LZTR1: variants seen among roughly 807,000 people sequenced by gnomAD.
LZTR1 encodes leucine zipper like post translational regulator 1, also known as leucine-zipper-like transcriptional regulator 1.
A neutral mutation model predicts 105.7 loss-of-function variants in LZTR1; 260 were observed. The ratio of observed to expected loss-of-function variants is 2.46; its 90% confidence interval spans 2.22 to 2.72. LZTR1 has a LOEUF of 2.72. Ranked by LOEUF, LZTR1 falls within the 30% of genes most tolerant of loss-of-function variation. The probability of loss-of-function intolerance (pLI) is 0.00; values close to 1 mark genes in which losing one functional copy is unlikely to be tolerated. For synonymous variants in LZTR1, 490 were observed against 476.4 expected, an observed-to-expected ratio of 1.03 and a Z score of -0.37; for missense variants, 1,214 against 1,166.9, an observed-to-expected ratio of 1.04 and a Z score of -0.59.
At position 20,996,961 on chromosome 22, in the gene LZTR1, A is replaced by C. The variant is rs1215965010; in HGVS notation, c.2401A>C (p.Thr801Pro). 11 of 1,613,612 alleles carry C rather than the reference A, an allele frequency of 6.8e-6. No individual in the cohort carries two copies. The highest frequency in any genetic ancestry group is 9.3e-6 in the Non-Finnish European group (11 of 1,179,986). Reference sequence around the variant, plus strand: ...CCTGCACATCATTGTGCACCAGTTCACCAAGGTCAGGGCTCTGGCCTCCCC... The same window carrying C: ...CCTGCACATCATTGTGCACCAGTTCCCCAAGGTCAGGGCTCTGGCCTCCCC... ...HCLHIIVHQF[T>P]KVSKLPTLRS... is the part of the protein sequence containing the mutation. The change falls in exon 20 of 21, where the codon ACC (threonine) becomes CCC (proline). Residue 801 changes from threonine (T) to proline (P), a missense_variant. By Grantham distance (38) the Thr-to-Pro change is conservative. Transcript: ENST00000646124.
intron 3 of LZTR1, chr22:20,986,418 A>ATAGATAG (rs1555927394): frequency 6.0e-5 from 9 of 150,908 alleles, no homozygotes; most frequent in East Asian, 3.9e-4. Context: ...AGATAGATAG[A>ATAGATAG]AAGAAAGATA....
Position 20,996,879 on chromosome 22 carries a change from A to G in LZTR1, c.2326-7A>G, listed in dbSNP as rs1327238723. On this transcript the variant is annotated splice_region_variant and splice_polypyrimidine_tract_variant and intron_variant, in intron 19 of 20. Transcript: ENST00000646124. Reference sequence around the variant, plus strand: ...GGGGCAGCGCCTCAAGGTCCCTGCCATTGCAGATCCTGGAGGCAGCTGACA... The same window carrying G: ...GGGGCAGCGCCTCAAGGTCCCTGCCGTTGCAGATCCTGGAGGCAGCTGACA... 3 of 1,612,134 alleles carry G rather than the reference A, an allele frequency of 1.9e-6. No individual in the cohort carries two copies. Among genetic ancestry groups the G allele is most frequent in the Non-Finnish European group, 2.5e-6 (3 of 1,178,736 alleles).
rs1427993247 is a variant in LZTR1 at position 20,997,921 on chromosome 22, G to GA, written c.*573_*574insA. ...TCTCACCTGACTTGAGGTGAATTTT[G>GA]GAGTGAAGGGCCCTGAGGTCAGCTC... On this transcript the variant is annotated 3_prime_UTR_variant, in exon 21 of 21. Coordinates refer to ENST00000646124, the MANE Select transcript of LZTR1 (RefSeq NM_006767.4). The GA allele has an allele frequency of 2.6e-5, 4 of 152,596 alleles. No individual in the cohort carries two copies. The highest frequency in any genetic ancestry group is 9.7e-5 in the African/African-American group (4 of 41,444). 9.5% of individuals were successfully genotyped at this position (152,596 alleles called of 1,614,324 possible).
At position 20,996,725 on chromosome 22, in the gene LZTR1, GC is replaced by G; in HGVS notation, c.2250del (p.Phe751SerfsTer16). On this transcript the variant is annotated frameshift_variant, in exon 19 of 21. Coordinates refer to ENST00000646124, the MANE Select transcript of LZTR1 (RefSeq NM_006767.4). LOFTEE classifies it high-confidence loss of function. ...LYLFAAPYYYGFYNNRLQAYC... is the reference protein window; with the variant it reads ...LYLFAAPYYYXFYNNRLQAYC... ...TTGTTTGCGGCCCCCTACTACTACG[GC>G]TTCTACAACAACCGGCTGCAGGCGT... is the stretch of plus-strand genomic sequence containing the variant. 2 of 1,613,490 alleles carry G rather than the reference GC, an allele frequency of 1.2e-6. No individual in the cohort carries two copies. The highest frequency in any genetic ancestry group is 2.2e-5 in the South Asian group (2 of 91,072).
chr22:20,987,751 C>G (rs1024207110), intron 4 of LZTR1, among the ~76,000 whole-genome samples, 168 bp downstream of exon 4: 1 of 152,250 alleles, frequency 6.6e-6, no homozygotes, highest in Non-Finnish European at 1.5e-5. Flanking sequence ...ATCTGGGACC[C>G]CTTGCCCTAA....
In LZTR1 at chr22:20,995,977, T is replaced by C. The variant is rs1924827837; in HGVS notation, c.2084T>C (p.Met695Thr). 2 of 1,613,756 alleles carry C rather than the reference T, an allele frequency of 1.2e-6. No homozygotes were observed. Among genetic ancestry groups the C allele is most frequent in the Non-Finnish European group, 1.7e-6 (2 of 1,180,016 alleles). ...GTTGTCTGCAGCTACTTTGAAGCCA[T>C]GTTCCGGTCCTTCATGCCCGAAGAT... ...LAARSSYFEA[M>T]FRSFMPEDGQ... Residue 695 changes from methionine (M) to threonine (T), a missense_variant, in exon 18 of 21, where the codon ATG becomes ACG. Coordinates refer to ENST00000646124, the MANE Select transcript of LZTR1 (RefSeq NM_006767.4).
At chr22:20,990,592 G>C in intron 8 of LZTR1, 67 bp downstream of exon 8, 2 of 1,502,662 alleles carry the variant, frequency 1.3e-6, no homozygotes, top group South Asian at 2.5e-5. Flanking sequence ...TGAATATGAA[G>C]AACGCCTCTT....
intron 2 of LZTR1, among the ~76,000 whole-genome samples, chr22:20,985,547 T>C (rs1924349484): frequency 6.8e-6 from 1 of 148,064 alleles, no homozygotes. Flanking sequence ...TTGGGCCATT[T>C]CATGCCTTCA....
chr22:20,997,372 T>G lies in LZTR1; in HGVS notation c.*24T>G. On this transcript the variant is annotated 3_prime_UTR_variant, in exon 21 of 21. Transcript: ENST00000646124. ...GAGGCCCTGTGGCGCCTGCCCATTG[T>G]GAAGAATCGCCGTGCCTGCCTGCCC... is the stretch of plus-strand genomic sequence containing the variant. 1 of 1,553,146 alleles carries G rather than the reference T, an allele frequency of 6.4e-7. No individual in the cohort carries two copies. The highest frequency in any genetic ancestry group is 8.9e-7 in the Non-Finnish European group (1 of 1,125,314).
chr22:20,993,943 G>T lies in LZTR1; in HGVS notation c.1373G>T (p.Gly458Val). The stretch of plus-strand genomic sequence containing the variant: ...GTGCAGAAGGAGGAGTGCGTGCAGG[G>T]CCACGTAGCCATTGTCACAGCGCGG... ...VLGEKEECVQ[G>V]HVAIVTARSR... The change falls in exon 13 of 21, where the codon GGC becomes GTC. Residue 458 changes from glycine to valine, a missense_variant. By Grantham distance (109) the Gly-to-Val change is moderately radical (BLOSUM62 -3). Transcript: ENST00000646124. 1 of 1,612,416 alleles carries T rather than the reference G, an allele frequency of 6.2e-7. No homozygotes were observed. The highest frequency in any genetic ancestry group is 8.5e-7 in the Non-Finnish European group (1 of 1,179,894).
rs371174047 is a variant in LZTR1 at position 20,993,913 on chromosome 22, T to C, written c.1354-11T>C. On this transcript the variant is annotated splice_polypyrimidine_tract_variant and intron_variant, in intron 12 of 20. Coordinates refer to ENST00000646124, the MANE Select transcript of LZTR1 (RefSeq NM_006767.4). ...CCTGTGCCCTCTGCCAGTGCATCATTCTTTGTGCAGAAGGAGGAGTGCGTG... is the reference window on the plus strand; with the variant it reads ...CCTGTGCCCTCTGCCAGTGCATCATCCTTTGTGCAGAAGGAGGAGTGCGTG... The C allele has an allele frequency of 1.9e-6, 3 of 1,610,540 alleles. No individual in the cohort carries two copies. In the East Asian group the frequency reaches 6.7e-5, roughly 36 times the overall value.
chr22:20,992,894 A>T lies in LZTR1; in HGVS notation c.1250A>T (p.Tyr417Phe). 2 of 1,601,154 alleles carry T rather than the reference A, an allele frequency of 1.2e-6. No individual in the cohort carries two copies. Among genetic ancestry groups the T allele is most frequent in the Middle Eastern group, 1.7e-4 (1 of 6,032 alleles). Residue 417 changes from tyrosine (Y) to phenylalanine (F), a missense_variant, in exon 11 of 21, where the codon TAC becomes TTC. Physicochemically the swap from Tyr to Phe is conservative, Grantham distance 22. Coordinates refer to ENST00000646124, the MANE Select transcript of LZTR1 (RefSeq NM_006767.4). ...AACAACATCCGCAGCGGGGAGATGT[A>T]CAGGTTCCAGGTGTGGGGCCTGTGG... ...VDNNIRSGEM[Y>F]RFQFSCYPKC... is the part of the protein sequence containing the mutation.
intron 11 of LZTR1, chr22:20,993,458 G>A: frequency 1.7e-6 from 1 of 595,690 alleles, no homozygotes. Context: ...GCCGGCCGTG[G>A]ACAGTTGCAG....
rs764186297 is a variant in LZTR1, at chr22:20,985,871, C to T, written c.294C>T (p.Phe98=). The change falls in exon 3 of 21, where the codon TTC becomes TTT. Residue 98 remains phenylalanine (F), a synonymous_variant. Transcript: ENST00000646124. Reference sequence around the variant, plus strand: ...CCATGCTCAATGACCTCCTGCGGTTCGATGTGAAAGACTGCTCCTGGTGCA... The same window carrying T: ...CCATGCTCAATGACCTCCTGCGGTTTGATGTGAAAGACTGCTCCTGGTGCA... ...GKTMLNDLLR[F]DVKDCSWCRA... is the part of the protein sequence containing the mutation. The T allele has an allele frequency of 1.1e-5, 17 of 1,614,020 alleles. No individual in the cohort carries two copies. In the East Asian group the frequency reaches 1.3e-4, roughly 13 times the overall value.
At position 20,995,812 on chromosome 22, in the gene LZTR1, C is replaced by T. The variant is rs141679122; in HGVS notation, c.2009C>T (p.Thr670Ile). 8.1e-6 allele frequency: 13 copies of T among 1,613,364 alleles called. No homozygotes were observed. The highest frequency in any genetic ancestry group is 4.0e-5 in the African/African-American group (3 of 74,880). ...EGAGAEFCDI[T>I]LLLDGHPRPA... ...GCGGGCGCGGAATTCTGTGACATCA[C>T]TCTGTTGCTTGACGGGCACCCACGG... Residue 670 changes from threonine (T) to isoleucine (I), a missense_variant, in exon 17 of 21, where the codon ACT becomes ATT. By Grantham distance (89) the Thr-to-Ile change is moderately conservative. Transcript: ENST00000646124.
chr22:20,990,721 A>G, intron 8 of LZTR1, 196 bp downstream of exon 8: 1 of 592,076 alleles, frequency 1.7e-6, no homozygotes, highest in Non-Finnish European at 2.9e-6. Flanking sequence ...CAGCTTAGCA[A>G]GATAAGGCCT....
Position 20,995,849 on chromosome 22 carries a change from G to C in LZTR1, c.2046G>C (p.Lys682Asn), listed in dbSNP as rs777570660. 2 of 1,613,118 alleles carry C rather than the reference G, an allele frequency of 1.2e-6. No individual in the cohort carries two copies. The highest frequency in any genetic ancestry group is 1.7e-6 in the Non-Finnish European group (2 of 1,179,986). The change falls in exon 17 of 21, where the codon AAG becomes AAC. Residue 682 changes from lysine (K) to asparagine (N), a missense_variant. Coordinates refer to ENST00000646124, the MANE Select transcript of LZTR1 (RefSeq NM_006767.4). ...ACGGGCACCCACGGCCAGCCCACAA[G>C]GCTATCCTGGCCGCCCGCTCCAGGT... ...LLDGHPRPAH[K>N]AILAARSSYF...
chr22:20,990,035 A>C (rs77165138), intron 7 of LZTR1, among the ~76,000 whole-genome samples: 27 of 152,286 alleles, frequency 1.8e-4, no homozygotes, highest in Middle Eastern at 3.4e-3. Flanking sequence ...GCCGTCTGCT[A>C]TCCAGTGTCC....
intron 11 of LZTR1, among the ~76,000 whole-genome samples, chr22:20,993,121 G>A (rs739522): frequency 3.3e-5 from 5 of 152,230 alleles, no homozygotes. Flanking sequence ...TGGTGCTGGG[G>A]CTCACGGCAG....
Sources: allele counts gnomAD v4.1 joint callset (sites outside exome capture counted in the v4.1 genomes callset), GRCh38; gene constraint gnomAD v4.1.1; transcripts MANE v1.5; gene names NCBI Gene and HGNC (gene_info 2026-07-23, HGNC 2026-07-21).